ONECUT2: variants seen among roughly 807,000 people sequenced by gnomAD.
The protein encoded by ONECUT2 is one cut homeobox 2.
ONECUT2 carries 10 observed loss-of-function variants against 27.9 expected under a neutral mutation model. The ratio of observed to expected loss-of-function variants is 0.36; its 90% CI spans 0.22 to 0.61. ONECUT2 has a LOEUF of 0.61. Among genes scored for constraint, ONECUT2 ranks in the 20% least tolerant of loss-of-function variants. The pLI is 0.73. For missense variants in ONECUT2, 686 were observed against 721.0 expected (o/e 0.95, Z 0.56); for synonymous variants, 334 against 315.1 (o/e 1.06, Z -0.64).
At chr18:57,441,256 T>A (rs962908603) in intron 1 of ONECUT2, among the ~76,000 whole-genome samples, 22 of 152,362 alleles carry the variant, frequency 1.4e-4, no homozygotes, top group African/African-American at 5.0e-4. Flanking sequence ...CTGGCAACAA[T>A]AACGTAAACG....
At chr18:57,459,682 C>A (rs924174620) in intron 1 of ONECUT2, among the ~76,000 whole-genome samples, 1 of 152,166 alleles carries the variant, frequency 6.6e-6, no homozygotes, top group Non-Finnish European at 1.5e-5. Flanking sequence ...CCTCAGCCTC[C>A]TGAGTAGCTG....
chr18:57,468,596 G>A (rs1242935083), intron 1 of ONECUT2, among the ~76,000 whole-genome samples: 1 of 152,202 alleles, frequency 6.6e-6, no homozygotes, highest in Non-Finnish European at 1.5e-5. Flanking sequence ...CTCCTCCCAG[G>A]TGGGTGATCA....
In ONECUT2 at chr18:57,477,888, A is replaced by G. The variant is rs1418047350; in HGVS notation, c.*1165A>G. The G allele has an allele frequency of 6.6e-6, 1 of 152,574 alleles. No individual in the cohort carries two copies. The highest frequency in any genetic ancestry group is 1.5e-5 in the Non-Finnish European group (1 of 68,008). 9.5% of individuals were successfully genotyped at this position (152,574 alleles called of 1,614,324 possible). ...TCTAGCAAGAAAAAAAAATCAATCA[A>G]TCAAACCTGCATACATGTTACTCAT... is the stretch of plus-strand genomic sequence containing the variant. On this transcript the variant is annotated 3_prime_UTR_variant, in exon 2 of 2. Transcript: ENST00000491143.
chr18:57,436,413 G>A lies in ONECUT2; in HGVS notation c.697G>A (p.Gly233Ser). 6.2e-7 allele frequency: 1 copy of A among 1,611,550 alleles called. No individual in the cohort carries two copies. The highest frequency in any genetic ancestry group is 8.5e-7 in the Non-Finnish European group (1 of 1,179,850). Residue 233 changes from glycine (G) to serine (S), a missense_variant, in exon 1 of 2, where the codon GGC becomes AGC. Gly to Ser is a moderately conservative substitution (Grantham distance 56). Around this residue, in one of 4 missense-constraint regions of ONECUT2, gnomAD observed 511 missense variants for 488.1 expected, o/e 1.05. Coordinates refer to ENST00000491143, the MANE Select transcript of ONECUT2 (RefSeq NM_004852.3). This position sits in a 1 kb window ranked among gnomAD's most constrained non-coding sequence, Gnocchi z 5.9. ...GTCCCCGCTGGCCGCCACGCCGCTG[G>A]GCAACGGGCTAGGCGGCCTCCACAA... ...SLSPLAATPL[G>S]NGLGGLHNAQ... is the part of the protein sequence containing the mutation.
chr18:57,461,381 G>A (rs918967657), intron 1 of ONECUT2, among the ~76,000 whole-genome samples: 1 of 152,120 alleles, frequency 6.6e-6, no homozygotes, highest in Admixed American at 6.5e-5. Flanking sequence ...TTTTACTACA[G>A]AGCTGCTCTG....
intron 1 of ONECUT2, among the ~76,000 whole-genome samples, chr18:57,460,455 T>C (rs2050284058): frequency 6.6e-6 from 1 of 152,130 alleles, no homozygotes; most frequent in African/African-American, 2.4e-5. Context: ...TTCTGTTCCA[T>C]GGATCTATTA....
intron 1 of ONECUT2, among the ~76,000 whole-genome samples, chr18:57,441,872 C>T (rs1282460629): frequency 1.3e-5 from 2 of 152,244 alleles, no homozygotes; most frequent in Non-Finnish European, 2.9e-5. Context: ...GTAGCAGGCT[C>T]TGCGCTGGAC....
chr18:57,473,527 G>A (rs2050365577), intron 1 of ONECUT2, among the ~76,000 whole-genome samples: 1 of 152,170 alleles, frequency 6.6e-6, no homozygotes. Flanking sequence ...GGTCTTGGAG[G>A]TGTGGAAGCC....
rs1232729543 is a variant in ONECUT2 at position 57,488,314 on chromosome 18, A to G, written c.*11591A>G. 1 of 152,650 alleles carries G rather than the reference A, an allele frequency of 6.6e-6. No individual in the cohort carries two copies. The highest frequency in any genetic ancestry group is 1.5e-5 in the Non-Finnish European group (1 of 68,050). The allele number at this position is 152,650 out of a possible 1,614,324, so 9.5% of individuals were successfully genotyped here. A position where few individuals can be genotyped will look rare whatever the true frequency, so the allele number is the denominator to read the frequency against. On this transcript the variant is annotated 3_prime_UTR_variant, in exon 2 of 2. Coordinates refer to ENST00000491143, the MANE Select transcript of ONECUT2 (RefSeq NM_004852.3). ...AAAGCTTTATATGTTGTTCCACAATAAAATTGATATTTGTTTCAGCAAAGT... is the reference window on the plus strand; with the variant it reads ...AAAGCTTTATATGTTGTTCCACAATGAAATTGATATTTGTTTCAGCAAAGT...
In ONECUT2 at chr18:57,481,039, T is replaced by C. The variant is rs1236905565; in HGVS notation, c.*4316T>C. ...AGAGCCATTGAGTGGAAAAACAATT[T>C]ACTTTATTCCTTTACACAAATAGGC... On this transcript the variant is annotated 3_prime_UTR_variant, in exon 2 of 2. Transcript: ENST00000491143. The C allele has an allele frequency of 6.6e-6, 1 of 152,182 alleles. No homozygotes were observed. Among genetic ancestry groups the C allele is most frequent in the Non-Finnish European group, 1.5e-5 (1 of 68,046 alleles). The allele number at this position is 152,182 out of a possible 1,614,324, so 9.4% of individuals were successfully genotyped here. A position where few individuals can be genotyped will look rare whatever the true frequency, so the allele number is the denominator to read the frequency against.
At chr18:57,476,302 T>G (rs141321732) in intron 1 of ONECUT2, 135 bp from the exon 2 acceptor site, 6 of 852,656 alleles carry the variant, frequency 7.0e-6, no homozygotes, top group Admixed American at 2.7e-5. Flanking sequence ...GGAAGGCTGG[T>G]TATTGACAGC....
At chr18:57,470,084 T>C (rs2050344961) in intron 1 of ONECUT2, among the ~76,000 whole-genome samples, 1 of 152,216 alleles carries the variant, frequency 6.6e-6, no homozygotes, top group Non-Finnish European at 1.5e-5. Flanking sequence ...TAAACATCTA[T>C]TTTTGCCCAG....
rs1048315168 is a variant in ONECUT2 at position 57,479,181 on chromosome 18, G to A, written c.*2458G>A. The A allele has an allele frequency of 1.0e-4, 16 of 152,430 alleles. No homozygotes were observed. The highest frequency in any genetic ancestry group is 1.9e-4 in the Non-Finnish European group (13 of 68,020). The allele number at this position is 152,430 out of a possible 1,614,324, so 9.4% of individuals were successfully genotyped here. A position where few individuals can be genotyped will look rare whatever the true frequency, so the allele number is the denominator to read the frequency against. ...CTCTCCCGAGCCACAGAACCAAAGA[G>A]TTTATAGAGGAATTTACAGCCTCGT... On this transcript the variant is annotated 3_prime_UTR_variant, in exon 2 of 2. Transcript: ENST00000491143.
At chr18:57,440,389 G>A (rs879334552) in intron 1 of ONECUT2, among the ~76,000 whole-genome samples, 2 of 152,218 alleles carry the variant, frequency 1.3e-5, no homozygotes, top group Non-Finnish European at 2.9e-5. Context: ...TGGCAGGCAT[G>A]TTTTCTTCCG....
chr18:57,470,220 T>C (rs963367107), intron 1 of ONECUT2, among the ~76,000 whole-genome samples: 1 of 152,160 alleles, frequency 6.6e-6, no homozygotes, highest in Non-Finnish European at 1.5e-5. Flanking sequence ...AAGATGGCCT[T>C]GGCCAGGACA....
chr18:57,484,757 CA>C lies in ONECUT2; in HGVS notation c.*8037del, dbSNP rs1457069353. 1 of 152,210 alleles carries C rather than the reference CA, an allele frequency of 6.6e-6. No homozygotes were observed. The highest frequency in any genetic ancestry group is 1.5e-5 in the Non-Finnish European group (1 of 68,120). 9.4% of individuals were successfully genotyped at this position (152,210 alleles called of 1,614,324 possible). On this transcript the variant is annotated 3_prime_UTR_variant, in exon 2 of 2. Transcript: ENST00000491143. ...GGCCCAGAGGAATGAAATAGTTATCCAAATCAAATAACTCTTGAGAGTGAAA... is the reference window on the plus strand; with the variant it reads ...GGCCCAGAGGAATGAAATAGTTATCCAATCAAATAACTCTTGAGAGTGAAA...
chr18:57,446,255 T>C (rs1017663780), intron 1 of ONECUT2, among the ~76,000 whole-genome samples: 1 of 152,228 alleles, frequency 6.6e-6, no homozygotes, highest in Admixed American at 6.5e-5. Context: ...GTTTTGATGA[T>C]TAAACAGTTT....
In ONECUT2 at chr18:57,490,328, C is replaced by T. The variant is rs2050459049; in HGVS notation, c.*13605C>T. 6.6e-6 allele frequency: 1 copy of T among 152,210 alleles called. No homozygotes were observed. The highest frequency in any genetic ancestry group is 6.5e-5 in the Admixed American group (1 of 15,272). 9.4% of individuals were successfully genotyped at this position (152,210 alleles called of 1,614,324 possible). ...CAAGTCAGTCCTGGGTCTTTTCTCA[C>T]TTTAGACCCTGGCCTCAGATGTGTT... On this transcript the variant is annotated 3_prime_UTR_variant, in exon 2 of 2. Transcript: ENST00000491143.
At position 57,484,072 on chromosome 18, in the gene ONECUT2, G is replaced by C. The variant is rs1288175315; in HGVS notation, c.*7349G>C. The C allele has an allele frequency of 6.6e-6, 1 of 152,034 alleles. No homozygotes were observed. Among genetic ancestry groups the C allele is most frequent in the Non-Finnish European group, 1.5e-5 (1 of 67,964 alleles). 9.4% of individuals were successfully genotyped at this position (152,034 alleles called of 1,614,324 possible). ...GCCTGGATTTCGGGGCTTCTATACA[G>C]AAACTGGAAAAATAAATTTTAAAAA... On this transcript the variant is annotated 3_prime_UTR_variant, in exon 2 of 2. Transcript: ENST00000491143.
Sources: allele counts gnomAD v4.1 joint callset (sites outside exome capture counted in the v4.1 genomes callset), GRCh38; gene constraint gnomAD v4.1.1; regional missense constraint gnomAD v4.1.1; non-coding constraint Gnocchi (gnomAD v3.1); transcripts MANE v1.5; gene names NCBI Gene and HGNC (gene_info 2026-07-23, HGNC 2026-07-21).